KCNQ5: variants seen among roughly 807,000 people sequenced by gnomAD.
KCNQ5 encodes the protein potassium voltage-gated channel subfamily Q member 5.
A neutral mutation model predicts 98.2 loss-of-function variants in KCNQ5; 30 were observed. That is an observed-to-expected ratio of 0.31 (90% CI 0.23 to 0.41). KCNQ5 has a LOEUF of 0.41. KCNQ5 is among the 10% of genes least tolerant of loss of function. KCNQ5 has a pLI of 1.00. For synonymous variants in KCNQ5, 458 were observed against 449.4 expected, an observed-to-expected ratio of 1.02 and a Z score of -0.24; for missense variants, 835 against 1,182.5, an observed-to-expected ratio of 0.71 and a Z score of 4.31.
intron 10 of KCNQ5, among the ~76,000 whole-genome samples, chr6:73,160,017 G>C (rs141429253): frequency 6.8e-6 from 1 of 147,470 alleles, no homozygotes; most frequent in East Asian, 1.9e-4. Context: ...TTGTTTGTTT[G>C]TTTGTTTGTT....
At chr6:73,071,709 A>G (rs1162085761) in intron 3 of KCNQ5, among the ~76,000 whole-genome samples, 1 of 152,176 alleles carries the variant, frequency 6.6e-6, no homozygotes, top group Non-Finnish European at 1.5e-5. Flanking sequence ...GGGAACTTAC[A>G]GAGCCAGAAC....
intron 1 of KCNQ5, among the ~76,000 whole-genome samples, chr6:72,843,164 G>A (rs1338408109): frequency 2.6e-5 from 4 of 152,128 alleles, no homozygotes; most frequent in African/African-American, 9.7e-5. Context: ...TTTGTATAAG[G>A]TTTAAGGAAG....
rs1167209675 is a variant in KCNQ5 at position 72,858,550 on chromosome 6, T to C, written c.399-145358T>C. Among the ~76,000 whole-genome samples, 2 of 150,262 alleles carry C rather than the reference T, an allele frequency of 1.3e-5. 1 individual carries two copies. The highest frequency in any genetic ancestry group is 3.9e-4 in the East Asian group (2 of 5,190). On this transcript the variant is annotated intron_variant, in intron 1 of 13. Transcript: ENST00000370398. The stretch of plus-strand genomic sequence containing the variant: ...GAAAATAGTAACCTTCGAAATGTGA[T>C]TTTTTTTAACATTGTTGCTCTCCAA...
intron 1 of KCNQ5, among the ~76,000 whole-genome samples, chr6:72,894,436 G>T (rs1779168945): frequency 6.6e-6 from 1 of 152,152 alleles, no homozygotes. Context: ...TCTGATAGAA[G>T]GTCATAACAT....
At chr6:72,860,377 G>A (rs1462678933) in intron 1 of KCNQ5, among the ~76,000 whole-genome samples, 1 of 152,042 alleles carries the variant, frequency 6.6e-6, no homozygotes, top group Non-Finnish European at 1.5e-5. Flanking sequence ...GTGGCGGAAA[G>A]ATTTTAAAGC....
chr6:72,847,269 A>C (rs908613082), intron 1 of KCNQ5, among the ~76,000 whole-genome samples: 3 of 152,122 alleles, frequency 2.0e-5, no homozygotes, highest in Admixed American at 6.5e-5. Context: ...GGTTCAAGCA[A>C]TTCTCCTGCC....
At position 72,790,263 on chromosome 6, in the gene KCNQ5, T is replaced by C. The variant is rs889535177; in HGVS notation, c.398+167676T>C. Among the ~76,000 whole-genome samples the C allele has an allele frequency of 3.9e-5, 6 of 152,134 alleles. No homozygotes were observed. In the South Asian group the frequency reaches 1.2e-3, roughly 32 times the overall value. Reference sequence around the variant, plus strand: ...AGTAGTGAAAGTTCCTCAATATAAATGATAAGGCCACTAAAGCCCAGAGAA... The same window carrying C: ...AGTAGTGAAAGTTCCTCAATATAAACGATAAGGCCACTAAAGCCCAGAGAA... On this transcript the variant is annotated intron_variant, in intron 1 of 13. Coordinates refer to ENST00000370398, the MANE Select transcript of KCNQ5 (RefSeq NM_019842.4).
chr6:73,061,698 A>G (rs549368287), intron 3 of KCNQ5, among the ~76,000 whole-genome samples: 113 of 152,286 alleles, frequency 7.4e-4, no homozygotes, highest in African/African-American at 2.6e-3. Flanking sequence ...CTCTTCATAT[A>G]TTTCCTTAAT....
At chr6:72,768,675 A>G (rs986838056) in intron 1 of KCNQ5, among the ~76,000 whole-genome samples, 4 of 152,072 alleles carry the variant, frequency 2.6e-5, no homozygotes, top group Admixed American at 2.6e-4. Flanking sequence ...AGGTAAAAAT[A>G]AGTGGCCCCA....
intron 10 of KCNQ5, among the ~76,000 whole-genome samples, chr6:73,137,662 C>G (rs146341503): frequency 6.6e-6 from 1 of 152,198 alleles, no homozygotes; most frequent in African/African-American, 2.4e-5. Flanking sequence ...TTAATTCTGT[C>G]AATACCCCTA....
intron 1 of KCNQ5, among the ~76,000 whole-genome samples, chr6:72,892,035 G>C (rs762718248): frequency 6.6e-6 from 1 of 152,092 alleles, no homozygotes; most frequent in Non-Finnish European, 1.5e-5. Flanking sequence ...ATTAGATTTA[G>C]AGCCTAATCC....
chr6:72,658,576 ATATTT>A (rs1565063109), intron 1 of KCNQ5, among the ~76,000 whole-genome samples: 1 of 92,410 alleles, frequency 1.1e-5, no homozygotes, highest in African/African-American at 4.4e-5. Flanking sequence ...ATATATATAT[ATATTT>A]TTTTTTTTTT....
At chr6:73,159,364 G>A (rs1777521036) in intron 10 of KCNQ5, among the ~76,000 whole-genome samples, 1 of 152,126 alleles carries the variant, frequency 6.6e-6, no homozygotes, top group South Asian at 2.1e-4. Flanking sequence ...ATGGTGGGAG[G>A]AGAGAGAGGA....
At chr6:73,149,997 C>T (rs1282481285) in intron 10 of KCNQ5, among the ~76,000 whole-genome samples, 1 of 135,876 alleles carries the variant, frequency 7.4e-6, no homozygotes, top group Non-Finnish European at 1.5e-5. Context: ...ACCCTCAAAA[C>T]ACCACAGGGG....
intron 1 of KCNQ5, among the ~76,000 whole-genome samples, chr6:72,731,825 G>A (rs1334849264): frequency 1.3e-5 from 2 of 152,156 alleles, no homozygotes; most frequent in African/African-American, 4.8e-5. Context: ...GTCCTGCCAC[G>A]AGGAACAAAC....
chr6:73,060,665 T>C (rs1379462734), intron 3 of KCNQ5, among the ~76,000 whole-genome samples: 1 of 152,112 alleles, frequency 6.6e-6, no homozygotes. Flanking sequence ...CTAATCACCT[T>C]AAATTATAAG....
At chr6:72,976,625 C>A (rs888222459) in intron 1 of KCNQ5, among the ~76,000 whole-genome samples, 1 of 152,170 alleles carries the variant, frequency 6.6e-6, no homozygotes. Flanking sequence ...ACTGTGAATT[C>A]ATTAGCATGG....
intron 2 of KCNQ5, among the ~76,000 whole-genome samples, chr6:73,007,488 A>C (rs1377331758): frequency 6.6e-6 from 1 of 152,164 alleles, no homozygotes; most frequent in Non-Finnish European, 1.5e-5. Flanking sequence ...CAACAATTGC[A>C]CTGGCAGAAT....
At chr6:72,806,717 T>G in intron 1 of KCNQ5, 1 of 397,748 alleles carries the variant, frequency 2.5e-6, no homozygotes, top group South Asian at 1.8e-5. Context: ...GCATTTCCCA[T>G]ATTTTGATTT....
Sources: allele counts gnomAD v4.1 joint callset (sites outside exome capture counted in the v4.1 genomes callset), GRCh38; gene constraint gnomAD v4.1.1; transcripts MANE v1.5; gene names NCBI Gene and HGNC (gene_info 2026-07-23, HGNC 2026-07-21).